ARHGEF3: variants seen among roughly 807,000 people sequenced by gnomAD.
The protein encoded by ARHGEF3 is Rho guanine nucleotide exchange factor 3, also known as 59.8 kDA protein.
In ARHGEF3, 28 loss-of-function variants were observed where a neutral mutation model predicts 63.2. The observed-to-expected ratio is 0.44, with a 90% CI of 0.33 to 0.61. ARHGEF3 has a LOEUF of 0.61. ARHGEF3 is among the 20% of genes least tolerant of loss of function. ARHGEF3 has a pLI of 0.03. For synonymous variants in ARHGEF3, 266 were observed against 254.2 expected, an observed-to-expected ratio of 1.05 and a Z score of -0.44; for missense variants, 533 against 659.3, an observed-to-expected ratio of 0.81 and a Z score of 2.10.
intron 3 of ARHGEF3, among the ~76,000 whole-genome samples, chr3:56,916,934 G>A (rs543121492): frequency 6.6e-6 from 1 of 152,272 alleles, no homozygotes; most frequent in African/African-American, 2.4e-5. Context: ...TGCAAACCTG[G>A]CATCTTCTCT....
intron 1 of ARHGEF3, among the ~76,000 whole-genome samples, chr3:57,065,264 C>T (rs1003141111): frequency 1.3e-5 from 2 of 152,162 alleles, no homozygotes; most frequent in African/African-American, 4.8e-5. Flanking sequence ...GAGTTCGACA[C>T]CAGCCTGGCC....
chr3:56,773,755 G>A lies in ARHGEF3; in HGVS notation c.158C>T (p.Pro53Leu), dbSNP rs752292780. 1.1e-5 allele frequency: 17 copies of A among 1,601,922 alleles called. No homozygotes were observed. The highest frequency in any genetic ancestry group is 8.1e-5 in the African/African-American group (6 of 73,898). The change falls in exon 2 of 10, where the codon CCG becomes CTG. Residue 53 changes from proline to leucine, a missense_variant. Pro to Leu is a moderately conservative substitution (Grantham distance 98, BLOSUM62 -3). Around this residue, in one of 4 missense-constraint regions of ARHGEF3, gnomAD observed 160 missense variants for 157.3 expected, o/e 1.02. Coordinates refer to ENST00000296315, the MANE Select transcript of ARHGEF3 (RefSeq NM_019555.3). ...SRVTSLANLI[P>L]PVKATPLKRF... is the part of the protein sequence containing the mutation. ...CTTTAATGGCGTGGCCTTCACGGGC[G>A]GGATGAGGTTTGCTAGCGACGTGAC...
chr3:56,828,949 C>T (rs142661191), intron 4 of ARHGEF3, among the ~76,000 whole-genome samples: 216 of 151,980 alleles, frequency 1.4e-3, no homozygotes, highest in African/African-American at 5.0e-3. Context: ...TTTTTTGAGA[C>T]GGAGTCTCAC....
At chr3:56,733,262 G>C (rs1265853350) in intron 8 of ARHGEF3, among the ~76,000 whole-genome samples, 1 of 141,826 alleles carries the variant, frequency 7.1e-6, no homozygotes, top group Non-Finnish European at 1.5e-5. Flanking sequence ...CAGTCTGGGC[G>C]ACAGTGTGAG....
intron 9 of ARHGEF3, among the ~76,000 whole-genome samples, chr3:56,730,493 T>A (rs1229173672): frequency 3.3e-5 from 5 of 151,512 alleles, no homozygotes; most frequent in Non-Finnish European, 7.4e-5. Flanking sequence ...TTCTCCTGTC[T>A]CAGCCTCCTG....
chr3:56,887,289 G>A (rs2040955313), intron 3 of ARHGEF3, among the ~76,000 whole-genome samples: 1 of 152,152 alleles, frequency 6.6e-6, no homozygotes, highest in Non-Finnish European at 1.5e-5. Flanking sequence ...AACGAATTGG[G>A]GCACAGCAGC....
At chr3:56,837,542 C>T (rs377432225) in intron 4 of ARHGEF3, among the ~76,000 whole-genome samples, 4 of 152,084 alleles carry the variant, frequency 2.6e-5, no homozygotes, top group East Asian at 3.8e-4. Flanking sequence ...TTGAAGAGGA[C>T]GATTATTCAA....
chr3:56,860,036 C>G, intron 4 of ARHGEF3, among the ~76,000 whole-genome samples: 1 of 134,556 alleles, frequency 7.4e-6, no homozygotes, highest in Admixed American at 7.4e-5. Context: ...AACCTGGTCT[C>G]AAGAGAGATA....
At chr3:56,963,479 G>A (rs1359459534) in intron 2 of ARHGEF3, among the ~76,000 whole-genome samples, 1 of 152,148 alleles carries the variant, frequency 6.6e-6, no homozygotes, top group Non-Finnish European at 1.5e-5. Context: ...AGGTAACCAT[G>A]AAAAGAGACT....
intron 4 of ARHGEF3, among the ~76,000 whole-genome samples, chr3:56,879,491 T>A (rs1410597316): frequency 6.6e-6 from 1 of 152,182 alleles, no homozygotes; most frequent in Admixed American, 6.5e-5. Flanking sequence ...TTGAATATGG[T>A]CTCCAAAGAC....
intron 4 of ARHGEF3, among the ~76,000 whole-genome samples, chr3:56,845,138 T>C (rs761773039): frequency 9.2e-5 from 14 of 151,812 alleles, no homozygotes; most frequent in African/African-American, 1.5e-4. Flanking sequence ...AGAAGCTGAA[T>C]GCTGCCAACA....
chr3:56,859,298 C>T (rs9883167), intron 4 of ARHGEF3, among the ~76,000 whole-genome samples: 74,327 of 149,858 alleles, frequency 0.5, 18,523 homozygotes, highest in East Asian at 0.61. Flanking sequence ...CCACCAGGCT[C>T]GGCTAATTTT....
At chr3:56,807,323 A>G (rs887518340) in intron 4 of ARHGEF3, among the ~76,000 whole-genome samples, 1 of 152,196 alleles carries the variant, frequency 6.6e-6, no homozygotes, top group Admixed American at 6.5e-5. Flanking sequence ...CTGAACTTCT[A>G]TGCCAGGCAG....
At chr3:56,876,791 ACCACCAGCTCCATCG>A (rs1441969413) in intron 4 of ARHGEF3, among the ~76,000 whole-genome samples, 1 of 152,110 alleles carries the variant, frequency 6.6e-6, no homozygotes, top group Non-Finnish European at 1.5e-5. Flanking sequence ...AAGATGCCCC[ACCACCAGCTCCATCG>A]CCACCAGCTC....
At position 56,801,886 on chromosome 3, in the gene ARHGEF3, G is replaced by A. The variant is rs942371785; in HGVS notation, c.-88C>T. The A allele has an allele frequency of 6.5e-6, 10 of 1,548,736 alleles. No individual in the cohort carries two copies. The highest frequency in any genetic ancestry group is 8.7e-6 in the Non-Finnish European group (10 of 1,146,510). Reference sequence around the variant, plus strand: ...AGGCAAAAGGGGGCCCCAGCTCCACGATGCCGGGCGGCGGCGGCGACACGG... The same window carrying A: ...AGGCAAAAGGGGGCCCCAGCTCCACAATGCCGGGCGGCGGCGGCGACACGG... On this transcript the variant is annotated 5_prime_UTR_variant, in exon 1 of 10. Coordinates refer to ENST00000296315, the MANE Select transcript of ARHGEF3 (RefSeq NM_019555.3).
intron 2 of ARHGEF3, among the ~76,000 whole-genome samples, chr3:56,967,932 A>G (rs1168753172): frequency 1.4e-5 from 1 of 70,314 alleles, no homozygotes; most frequent in Non-Finnish European, 2.4e-5. Flanking sequence ...TATATATAAT[A>G]TAAAATATAT....
intron 3 of ARHGEF3, among the ~76,000 whole-genome samples, chr3:56,929,145 GAAGGGTCTA>G: frequency 6.6e-6 from 1 of 152,192 alleles, no homozygotes; most frequent in South Asian, 2.1e-4. Flanking sequence ...GATTGGGGAA[GAAGGGTCTA>G]GAAAGGAGAG....
At chr3:56,850,817 T>C (rs988167812) in intron 4 of ARHGEF3, among the ~76,000 whole-genome samples, 1 of 152,216 alleles carries the variant, frequency 6.6e-6, no homozygotes, top group Non-Finnish European at 1.5e-5. Context: ...GCTTACTACA[T>C]GCCAGGAGCC....
At chr3:56,882,338 C>T (rs2040794868) in exon 4 of ARHGEF3, 3 of 1,551,726 alleles carry the variant, frequency 1.9e-6, no homozygotes, top group East Asian at 2.4e-5. Context: ...ATCTTGGGTG[C>T]TCTGTTTCCG....
Sources: allele counts gnomAD v4.1 joint callset (sites outside exome capture counted in the v4.1 genomes callset), GRCh38; gene constraint gnomAD v4.1.1; regional missense constraint gnomAD v4.1.1; transcripts MANE v1.5; gene names NCBI Gene and HGNC (gene_info 2026-07-23, HGNC 2026-07-21).